Variants in HMX1 observed in about 807,000 individuals in gnomAD.
The protein encoded by HMX1 is homeobox protein HMX1.
A neutral mutation model predicts 8.9 loss-of-function variants in HMX1; 8 were observed. The ratio of observed to expected loss-of-function variants is 0.90; its 90% confidence interval spans 0.53 to 1.63. The LOEUF is 1.63. Among genes scored for constraint, HMX1 ranks in the 40% most tolerant of loss-of-function variants. The pLI is 0.00. For synonymous variants in HMX1, 311 were observed against 283.4 expected (o/e 1.10, Z -0.98); for missense variants, 621 against 558.5 (o/e 1.11, Z -1.13).
rs1487417714 is a variant in HMX1, at chr4:8,868,159, C to T, written c.581G>A (p.Gly194Asp). 6.7e-7 allele frequency: 1 copy of T among 1,502,984 alleles called. No individual in the cohort carries two copies. The highest frequency in any genetic ancestry group is 8.8e-7 in the Non-Finnish European group (1 of 1,131,624). 93.1% of individuals were successfully genotyped at this position (1,502,984 alleles called of 1,614,324 possible). A position where few individuals can be genotyped will look rare whatever the true frequency, so the allele number is the denominator to read the frequency against. The change falls in exon 2 of 2, where the codon GGC becomes GAC. Residue 194 changes from glycine (G) to aspartate (D), a missense_variant. Gly to Asp is a moderately conservative substitution (Grantham distance 94). Coordinates refer to ENST00000400677, the MANE Select transcript of HMX1 (RefSeq NM_018942.3). The surrounding 1 kb of genome is among the most constrained non-coding windows in gnomAD (Gnocchi z 4.6). Reference protein sequence around the residue: ...EVPAAAGETRGGVGVGGGRKK... With the variant: ...EVPAAAGETRDGVGVGGGRKK... ...TCGGCCGCCGCCCACGCCAACGCCGCCGCGTGTCTCCCCAGCCGCCGCAGG... is the reference window on the plus strand; with the variant it reads ...TCGGCCGCCGCCCACGCCAACGCCGTCGCGTGTCTCCCCAGCCGCCGCAGG...
Position 8,868,371 on chromosome 4 carries a change from T to C in HMX1, c.395-26A>G. On this transcript the variant is annotated intron_variant, in intron 1 of 1. Coordinates refer to ENST00000400677, the MANE Select transcript of HMX1 (RefSeq NM_018942.3). The surrounding 1 kb of genome is among the most constrained non-coding windows in gnomAD (Gnocchi z 4.6). ...CTGCAGGGGAGAGAGGGCACCACCGTTGGTTCTAGGGCACTGATTACCAGA... is the reference window on the plus strand; with the variant it reads ...CTGCAGGGGAGAGAGGGCACCACCGCTGGTTCTAGGGCACTGATTACCAGA... 1.5e-6 allele frequency: 2 copies of C among 1,347,600 alleles called. No individual in the cohort carries two copies. The highest frequency in any genetic ancestry group is 1.9e-5 in the South Asian group (1 of 53,616). The allele number at this position is 1,347,600 out of a possible 1,614,324, so 83.5% of individuals were successfully genotyped here. A position where few individuals can be genotyped will look rare whatever the true frequency, so the allele number is the denominator to read the frequency against.
chr4:8,862,592 G>A (rs142588697), downstream of HMX1, among the ~76,000 whole-genome samples: 41 of 152,250 alleles, frequency 2.7e-4, no homozygotes, highest in African/African-American at 8.9e-4. Context: ...CATTTTCACT[G>A]ATAATAACTT....
chr4:8,857,903 G>C (rs1721665761), intron 1 of HMX1, among the ~76,000 whole-genome samples: 1 of 152,172 alleles, frequency 6.6e-6, no homozygotes, highest in Admixed American at 6.5e-5. Context: ...TCCAGGAGCC[G>C]CGTCTCTACG....
Position 8,867,549 on chromosome 4 carries a change from C to T in HMX1, c.*144G>A. On this transcript the variant is annotated 3_prime_UTR_variant, in exon 2 of 2. Transcript: ENST00000400677. Reference sequence around the variant, plus strand: ...CCCACAGAAGCTGAGGCCCGCCCGGCCGCGGCCTGCGCTCCCGAGGTATCT... The same window carrying T: ...CCCACAGAAGCTGAGGCCCGCCCGGTCGCGGCCTGCGCTCCCGAGGTATCT... The T allele has an allele frequency of 8.4e-7, 1 of 1,187,918 alleles. No individual in the cohort carries two copies. The highest frequency in any genetic ancestry group is 1.0e-6 in the Non-Finnish European group (1 of 959,954). 73.6% of individuals were successfully genotyped at this position (1,187,918 alleles called of 1,614,324 possible). A position where few individuals can be genotyped will look rare whatever the true frequency, so the allele number is the denominator to read the frequency against.
chr4:8,869,700 G>C (rs1174901820), intron 1 of HMX1, among the ~76,000 whole-genome samples: 2 of 150,640 alleles, frequency 1.3e-5, no homozygotes, highest in African/African-American at 2.5e-5. Flanking sequence ...GATCTGGGGA[G>C]TCCCTGCCTC....
At position 8,867,944 on chromosome 4, in the gene HMX1, G is replaced by T; in HGVS notation, c.796C>A (p.Leu266Met). The change falls in exon 2 of 2, where the codon CTG becomes ATG. Residue 266 changes from leucine (L) to methionine (M), a missense_variant. Transcript: ENST00000400677. ...NKWKRQLAAE[L>M]EAASLSPPGA... is the part of the protein sequence containing the mutation. Reference sequence around the variant, plus strand: ...GGCGGGGACAGGCTGGCCGCCTCCAGCTCGGCTGCCAGCTGCCGCTTCCAC... The same window carrying T: ...GGCGGGGACAGGCTGGCCGCCTCCATCTCGGCTGCCAGCTGCCGCTTCCAC... The T allele has an allele frequency of 6.7e-7, 1 of 1,484,722 alleles. No individual in the cohort carries two copies. Among genetic ancestry groups the T allele is most frequent in the Non-Finnish European group, 8.9e-7 (1 of 1,119,212 alleles). The allele number at this position is 1,484,722 out of a possible 1,614,324, so 92.0% of individuals were successfully genotyped here.
chr4:8,861,571 A>G (rs1721821184), intron 1 of HMX1, among the ~76,000 whole-genome samples: 1 of 152,192 alleles, frequency 6.6e-6, no homozygotes, highest in African/African-American at 2.4e-5. Flanking sequence ...CATCGGAAGA[A>G]GACAGGCGAA....
Position 8,857,996 on chromosome 4 carries a change from A to C in HMX1, c.395-11672T>G, listed in dbSNP as rs889559980. On this transcript the variant is annotated intron_variant, in intron 1 of 1. Coordinates refer to the HMX1 transcript ENST00000506970. ...GGGGTGAAGCCGAGGGGTGGCTTTT[A>C]ACGAAAAAGAAGTTGAAGCATCAGC... Among the ~76,000 whole-genome samples, 5 of 151,448 alleles carry C rather than the reference A, an allele frequency of 3.3e-5. 1 individual carries two copies. The East Asian group carries it at 1.0e-3, about 30-fold the overall frequency.
intron 1 of HMX1, among the ~76,000 whole-genome samples, chr4:8,846,641 C>T (rs774839504): frequency 2.0e-5 from 3 of 152,314 alleles, no homozygotes; most frequent in Non-Finnish European, 4.4e-5. Context: ...GAGTCCTGAG[C>T]AGGCCTCCTG....
rs1453247347 is a variant in HMX1, at chr4:8,870,484, G to C, written c.394+737C>G. ...AGGGGCAGAAAAAGAAGAGAGAGGG[G>C]TTGGACTGGGGGCCTCAGAACAGGC... On this transcript the variant is annotated intron_variant, in intron 1 of 1. Coordinates refer to ENST00000400677, the MANE Select transcript of HMX1 (RefSeq NM_018942.3). This position sits in a 1 kb window ranked among gnomAD's most constrained non-coding sequence, Gnocchi z 4.4. Among the ~76,000 whole-genome samples the C allele has an allele frequency of 6.6e-6, 1 of 152,064 alleles. No homozygotes were observed. Among genetic ancestry groups the C allele is most frequent in the Admixed American group, 6.5e-5 (1 of 15,276 alleles).
At chr4:8,850,738 G>A (rs925529260) in intron 1 of HMX1, among the ~76,000 whole-genome samples, 3 of 152,144 alleles carry the variant, frequency 2.0e-5, no homozygotes, top group East Asian at 1.9e-4. Context: ...GCCCTTCCCC[G>A]CGGGTGGGCG....
exon 2 of HMX1, chr4:8,846,133 C>A (rs1271235957): frequency 1.3e-6 from 1 of 778,238 alleles, no homozygotes; most frequent in South Asian, 1.7e-5. Flanking sequence ...TGTGGGAACA[C>A]TGCTCCACGC....
chr4:8,850,207 TCAGCC>T (rs1721403070), intron 1 of HMX1, among the ~76,000 whole-genome samples: 1 of 152,200 alleles, frequency 6.6e-6, no homozygotes, highest in South Asian at 2.1e-4. Flanking sequence ...AAACCCAGGT[TCAGCC>T]CAGCACCTGA....
rs1292206610 is a variant in HMX1 at position 8,853,238 on chromosome 4, C to T, written c.395-6914G>A. ...CAAATAAATGAGTGAAGCTGGTAAA[C>T]CATCCAGGAGGTAGGACAGCTCTGC... On this transcript the variant is annotated intron_variant, in intron 1 of 1. Transcript: ENST00000506970. This position sits in a 1 kb window ranked among gnomAD's most constrained non-coding sequence, Gnocchi z 4.7. Among the ~76,000 whole-genome samples, 1 of 152,130 alleles carries T rather than the reference C, an allele frequency of 6.6e-6. No individual in the cohort carries two copies. Among genetic ancestry groups the T allele is most frequent in the Non-Finnish European group, 1.5e-5 (1 of 68,026 alleles).
In HMX1 at chr4:8,871,237, G is replaced by T. The variant is rs1257531646; in HGVS notation, c.378C>A (p.Gly126=). The T allele has an allele frequency of 6.7e-7, 1 of 1,482,522 alleles. No homozygotes were observed. 91.8% of individuals were successfully genotyped at this position (1,482,522 alleles called of 1,614,324 possible). ...CTCACTCACTGTCAGGACTGAGGCCGCCTCCATAGCCACCGTGCGCCCGTG... is the reference window on the plus strand; with the variant it reads ...CTCACTCACTGTCAGGACTGAGGCCTCCTCCATAGCCACCGTGCGCCCGTG... The part of the protein sequence containing the change: ...WYPRAHGGYG[G]GLSPDTSDRD... Residue 126 remains glycine, a synonymous_variant, in exon 1 of 2, where the codon GGC becomes GGA. Transcript: ENST00000400677. The surrounding 1 kb of genome is among the most constrained non-coding windows in gnomAD (Gnocchi z 4.8).
chr4:8,861,165 G>C (rs1336429947), intron 1 of HMX1, among the ~76,000 whole-genome samples: 1 of 152,130 alleles, frequency 6.6e-6, no homozygotes, highest in Non-Finnish European at 1.5e-5. Context: ...CCGCGGGTCC[G>C]GGCGCCGCTG....
exon 2 of HMX1, chr4:8,846,197 T>C (rs1319561923): frequency 7.1e-7 from 1 of 1,416,326 alleles, no homozygotes; most frequent in East Asian, 2.5e-5. Context: ...GGCTGCACCA[T>C]CCAGTCCCTG....
intron 1 of HMX1, among the ~76,000 whole-genome samples, chr4:8,850,560 C>G (rs867166916): frequency 3.3e-5 from 5 of 152,296 alleles, no homozygotes; most frequent in African/African-American, 1.2e-4. Flanking sequence ...CCAGGCCTCT[C>G]AGGCTCCCAC....
intron 1 of HMX1, among the ~76,000 whole-genome samples, chr4:8,852,264 G>A (rs755919605): frequency 6.6e-5 from 10 of 152,234 alleles, no homozygotes; most frequent in Admixed American, 1.3e-4. Flanking sequence ...TCCAGTGAAC[G>A]CGGCTGCAGG....
Sources: allele counts gnomAD v4.1 joint callset (sites outside exome capture counted in the v4.1 genomes callset), GRCh38; gene constraint gnomAD v4.1.1; non-coding constraint Gnocchi (gnomAD v3.1); transcripts MANE v1.5; gene names NCBI Gene and HGNC (gene_info 2026-07-23, HGNC 2026-07-21).